The following SOBP variants were observed in gnomAD, a reference collection of about 807,000 sequenced individuals.
The protein encoded by SOBP is sine oculis-binding protein homolog.
A neutral mutation model predicts 53.6 loss-of-function variants in SOBP; 4 were observed. The ratio of observed to expected loss-of-function variants is 0.07; its 90% CI spans 0.04 to 0.17. SOBP has a LOEUF of 0.17. Among genes scored for constraint, SOBP ranks in the 10% least tolerant of loss-of-function variants. The pLI, the probability that SOBP is intolerant of heterozygous loss-of-function variation, is 1.00. For synonymous variants in SOBP, 584 were observed against 522.6 expected, an observed-to-expected ratio of 1.12 and a Z score of -1.60; for missense variants, 1,088 against 1,204.7, an observed-to-expected ratio of 0.90 and a Z score of 1.43.
chr6:107,566,668 C>T (rs1784925781), intron 4 of SOBP, among the ~76,000 whole-genome samples: 1 of 152,208 alleles, frequency 6.6e-6, no homozygotes, highest in Non-Finnish European at 1.5e-5. Flanking sequence ...TCATGGTCTT[C>T]ATCACTTCAA....
In SOBP at chr6:107,595,879, A is replaced by G. The variant is rs552182843; in HGVS notation, c.669+8704A>G. Among the ~76,000 whole-genome samples, 5 of 152,326 alleles carry G rather than the reference A, an allele frequency of 3.3e-5. No homozygotes were observed. In the South Asian group the frequency reaches 1.0e-3, roughly 32 times the overall value. On this transcript the variant is annotated intron_variant, in intron 5 of 6. Coordinates refer to ENST00000317357, the MANE Select transcript of SOBP (RefSeq NM_018013.4). ...AAGAAGGAAGATAGCAGCCCAGGTT[A>G]AGCTTCAAATGAGCAGGTTCAGGAA...
intron 5 of SOBP, among the ~76,000 whole-genome samples, chr6:107,609,213 A>G (rs1293691499): frequency 2.6e-5 from 4 of 152,216 alleles, no homozygotes; most frequent in African/African-American, 7.2e-5. Context: ...GTATCTTTAT[A>G]TAATTATAAA....
At chr6:107,509,682 C>T (rs909741765) in intron 3 of SOBP, 1 of 152,192 alleles carries the variant, frequency 6.6e-6, no homozygotes, top group Non-Finnish European at 1.5e-5. Flanking sequence ...TTCAAGCACA[C>T]AGCTCCTATT....
chr6:107,636,922 A>G (rs757032106), intron 6 of SOBP, among the ~76,000 whole-genome samples: 1 of 152,182 alleles, frequency 6.6e-6, no homozygotes, highest in Non-Finnish European at 1.5e-5. Context: ...CTTGCCCAAG[A>G]TTTTACCAAA....
At chr6:107,555,045 C>T (rs981396432) in intron 4 of SOBP, among the ~76,000 whole-genome samples, 2 of 152,036 alleles carry the variant, frequency 1.3e-5, no homozygotes, top group Admixed American at 6.5e-5. Context: ...GAATGCATTG[C>T]GCAAACACAA....
At chr6:107,591,968 G>GTTTTTTTTTTT (rs56210027) in intron 5 of SOBP, among the ~76,000 whole-genome samples, 6 of 88,632 alleles carry the variant, frequency 6.8e-5, no homozygotes, top group Admixed American at 1.3e-4. Flanking sequence ...GTCTTTTGGT[G>GTTTTTTTTTTT]TTTTTTTTTT....
intron 4 of SOBP, among the ~76,000 whole-genome samples, chr6:107,556,362 A>G (rs1784610293): frequency 6.6e-6 from 1 of 152,218 alleles, no homozygotes. Context: ...AACTCCATGT[A>G]GTCAAAGGTT....
At chr6:107,511,098 G>C (rs1315932969) in intron 3 of SOBP, among the ~76,000 whole-genome samples, 1 of 152,154 alleles carries the variant, frequency 6.6e-6, no homozygotes, top group East Asian at 1.9e-4. Flanking sequence ...TTAAAGAGCT[G>C]AAGTTCAAAT....
chr6:107,552,790 G>A (rs1784496875), intron 4 of SOBP, among the ~76,000 whole-genome samples: 2 of 152,142 alleles, frequency 1.3e-5, no homozygotes, highest in Admixed American at 6.5e-5. Context: ...AGGGGTGGTG[G>A]TGTGTACCTG....
At chr6:107,587,278 T>A in intron 5 of SOBP, 103 bp downstream of exon 5, 1 of 912,394 alleles carries the variant, frequency 1.1e-6, no homozygotes, top group Non-Finnish European at 1.8e-6. Flanking sequence ...TGAAATATTA[T>A]AGTTTTCTGT....
intron 4 of SOBP, among the ~76,000 whole-genome samples, chr6:107,541,216 C>T (rs560805318): frequency 3.9e-5 from 6 of 152,044 alleles, no homozygotes; most frequent in Admixed American, 1.3e-4. Flanking sequence ...AATTCATCTT[C>T]GAATAGAGGA....
chr6:107,542,840 G>A (rs1289709449), intron 4 of SOBP, among the ~76,000 whole-genome samples: 4 of 151,924 alleles, frequency 2.6e-5, no homozygotes, highest in African/African-American at 4.8e-5. Flanking sequence ...CTGACACAGC[G>A]ATTTTCTTTC....
intron 5 of SOBP, among the ~76,000 whole-genome samples, chr6:107,614,476 G>C (rs115434168): frequency 1.3e-5 from 2 of 152,226 alleles, no homozygotes; most frequent in Non-Finnish European, 2.9e-5. Flanking sequence ...AAGGGCTGCC[G>C]TCTGGAGGAG....
chr6:107,600,954 A>C (rs1786157232), intron 5 of SOBP, among the ~76,000 whole-genome samples: 1 of 152,164 alleles, frequency 6.6e-6, no homozygotes, highest in East Asian at 1.9e-4. Context: ...AATTATTTAA[A>C]GTTATATTGT....
At chr6:107,584,265 A>C (rs201906646) in intron 4 of SOBP, among the ~76,000 whole-genome samples, 3 of 152,152 alleles carry the variant, frequency 2.0e-5, no homozygotes, top group South Asian at 2.1e-4. Flanking sequence ...AAAAAAAAAA[A>C]AAAAAACACC....
intron 4 of SOBP, among the ~76,000 whole-genome samples, chr6:107,539,631 T>A (rs1041386508): frequency 1.3e-5 from 2 of 152,210 alleles, no homozygotes; most frequent in African/African-American, 4.8e-5. Context: ...GGTGACTGCT[T>A]CTGCAGAGTG....
intron 3 of SOBP, among the ~76,000 whole-genome samples, chr6:107,526,752 C>T (rs550877562): frequency 1.3e-5 from 2 of 152,152 alleles, no homozygotes; most frequent in East Asian, 1.9e-4. Context: ...TAGAATGTTC[C>T]GTTAGAAAAT....
chr6:107,501,593 G>GT lies in SOBP; in HGVS notation c.97-2056dup, dbSNP rs200280659. On this transcript the variant is annotated intron_variant, in intron 1 of 6. Transcript: ENST00000317357. ...TTGGCTTTTAATGCTGTTGGGAATT[G>GT]TTTTTTTTGATGAAAAGTATAAGCC... 1.1e-3 allele frequency among the ~76,000 whole-genome samples: 167 copies of GT among 151,958 alleles called. 2 individuals are homozygous for GT. The South Asian group carries it at 0.013, about 12-fold the overall frequency.
intron 3 of SOBP, among the ~76,000 whole-genome samples, chr6:107,523,719 C>T (rs1583171365): frequency 1.3e-5 from 2 of 152,334 alleles, no homozygotes; most frequent in South Asian, 4.1e-4. Flanking sequence ...CTTGTGCTCC[C>T]CTCCAGTGGA....
Sources: allele counts gnomAD v4.1 joint callset (sites outside exome capture counted in the v4.1 genomes callset), GRCh38; gene constraint gnomAD v4.1.1; transcripts MANE v1.5; gene names NCBI Gene and HGNC (gene_info 2026-07-23, HGNC 2026-07-21).